Variants in DOCK5 observed in about 807,000 individuals in gnomAD.
DOCK5 encodes dedicator of cytokinesis 5.
A neutral mutation model predicts 251.8 loss-of-function variants in DOCK5; 142 were observed. The ratio of observed to expected loss-of-function variants is 0.56; its 90% CI spans 0.49 to 0.65. The LOEUF is 0.65. Among genes scored for constraint, DOCK5 ranks in the 30% least tolerant of loss-of-function variants. The pLI, the probability that DOCK5 is intolerant of heterozygous loss-of-function variation, is 0.00. For synonymous variants in DOCK5, 842 were observed against 835.5 expected (o/e 1.01, Z -0.13); for missense variants, 2,111 against 2,312.3 (o/e 0.91, Z 1.79).
At chr8:25,278,781 C>T (rs1804112572) in intron 5 of DOCK5, 116 bp downstream of exon 5, 2 of 902,714 alleles carry the variant, frequency 2.2e-6, no homozygotes, top group Non-Finnish European at 3.5e-6. Flanking sequence ...TGCATTCTCC[C>T]TGGATCACAC....
intron 12 of DOCK5, 26 bp downstream of exon 12, chr8:25,308,951 G>A: frequency 6.5e-7 from 1 of 1,527,876 alleles, no homozygotes; most frequent in Non-Finnish European, 9.0e-7. Flanking sequence ...AGAGCTGGGA[G>A]GGACTCTGCT....
intron 34 of DOCK5, 111 bp downstream of exon 34, chr8:25,369,752 G>A (rs1800841156): frequency 1.2e-6 from 1 of 825,942 alleles, no homozygotes; most frequent in South Asian, 1.7e-5. Flanking sequence ...AGTCACTAGG[G>A]CCACCCCCAC....
intron 45 of DOCK5, among the ~76,000 whole-genome samples, chr8:25,398,178 T>C (rs2117330871): frequency 6.6e-6 from 1 of 152,282 alleles, no homozygotes; most frequent in East Asian, 1.9e-4. Context: ...TGTTCCCTGA[T>C]CTAACCAATA....
intron 2 of DOCK5, among the ~76,000 whole-genome samples, chr8:25,261,215 A>G (rs1398316289): frequency 2.0e-5 from 3 of 152,090 alleles, no homozygotes; most frequent in African/African-American, 7.2e-5. Flanking sequence ...GTGTGTTTAC[A>G]TATATATTTT....
intron 1 of DOCK5, among the ~76,000 whole-genome samples, chr8:25,223,822 T>G (rs1802451884): frequency 6.6e-6 from 1 of 152,238 alleles, no homozygotes; most frequent in South Asian, 2.1e-4. Flanking sequence ...ATTAAATTTC[T>G]GTTAAACAGC....
At position 25,414,469 on chromosome 8, in the gene DOCK5, C is replaced by T. The variant is rs1371932045; in HGVS notation, c.*3171C>T. 1 of 152,214 alleles carries T rather than the reference C, an allele frequency of 6.6e-6. No homozygotes were observed. The highest frequency in any genetic ancestry group is 1.5e-5 in the Non-Finnish European group (1 of 68,032). 9.4% of individuals were successfully genotyped at this position (152,214 alleles called of 1,614,324 possible). On this transcript the variant is annotated 3_prime_UTR_variant, in exon 52 of 52. Transcript: ENST00000276440. ...AAAAACTGCAGCCACACTGCAATTT[C>T]CTAATGTAGAACAAGATATAAAGCA...
At chr8:25,257,178 C>A (rs1201449551) in intron 2 of DOCK5, among the ~76,000 whole-genome samples, 1 of 152,136 alleles carries the variant, frequency 6.6e-6, no homozygotes, top group Non-Finnish European at 1.5e-5. Context: ...AACCAGAAGA[C>A]AGACCTAAGC....
chr8:25,376,617 G>A (rs780248371), intron 37 of DOCK5: 6 of 156,782 alleles, frequency 3.8e-5, no homozygotes, highest in Non-Finnish European at 8.3e-5. Context: ...AATTAATTTA[G>A]TGAGAATTTA....
chr8:25,351,747 A>C lies in DOCK5; in HGVS notation c.2771A>C (p.His924Pro). Residue 924 changes from histidine (H) to proline (P), a missense_variant, in exon 27 of 52, where the codon CAC becomes CCC. Coordinates refer to ENST00000276440, the MANE Select transcript of DOCK5 (RefSeq NM_024940.8). ...DRKDVGATAVHIQLIMERLLR... is the reference protein window; with the variant it reads ...DRKDVGATAVPIQLIMERLLR... Reference sequence around the variant, plus strand: ...TCCCTGCAGGGTGCCACTGCGGTGCACATTCAGCTTATAATGGAACGGCTG... The same window carrying C: ...TCCCTGCAGGGTGCCACTGCGGTGCCCATTCAGCTTATAATGGAACGGCTG... 1 of 1,613,778 alleles carries C rather than the reference A, an allele frequency of 6.2e-7. No homozygotes were observed. The highest frequency in any genetic ancestry group is 2.2e-5 in the East Asian group (1 of 44,870).
At chr8:25,361,181 G>T (rs2117267403) in intron 28 of DOCK5, among the ~76,000 whole-genome samples, 1 of 152,260 alleles carries the variant, frequency 6.6e-6, no homozygotes, top group Admixed American at 6.5e-5. Flanking sequence ...TAGATTTCCA[G>T]GAGTTAAATA....
At chr8:25,374,016 ATGT>A (rs1411858002) in intron 36 of DOCK5, among the ~76,000 whole-genome samples, 1 of 152,142 alleles carries the variant, frequency 6.6e-6, no homozygotes, top group Non-Finnish European at 1.5e-5. Context: ...ACCAACGTGC[ATGT>A]TGTTGGGGAG....
chr8:25,241,049 G>A (rs1802927985), intron 1 of DOCK5, among the ~76,000 whole-genome samples: 1 of 152,160 alleles, frequency 6.6e-6, no homozygotes, highest in Non-Finnish European at 1.5e-5. Context: ...AAAGATATAT[G>A]CGATTGCATT....
At chr8:25,304,163 T>G in intron 10 of DOCK5, 92 bp from the exon 11 acceptor site, 1 of 1,031,286 alleles carries the variant, frequency 9.7e-7, no homozygotes, top group Non-Finnish European at 1.4e-6. Context: ...CTTCCTGCAG[T>G]GTTTGATGTT....
rs543970512 is a variant in DOCK5 at position 25,360,812 on chromosome 8, A to G, written c.2949+1751A>G. The stretch of plus-strand genomic sequence containing the variant: ...TTGTTTCAAATTTCCTTCAGAGAGC[A>G]GGCAAAATAGGGAGGTTTTAAGGTC... On this transcript the variant is annotated intron_variant, in intron 28 of 51. Coordinates refer to ENST00000276440, the MANE Select transcript of DOCK5 (RefSeq NM_024940.8). Among the ~76,000 whole-genome samples, 23 of 152,320 alleles carry G rather than the reference A, an allele frequency of 1.5e-4. 1 individual carries two copies. Among genetic ancestry groups the G allele is most frequent in the African/African-American group, 5.5e-4 (23 of 41,578 alleles).
chr8:25,218,207 T>C (rs1802297703), intron 1 of DOCK5, among the ~76,000 whole-genome samples: 1 of 152,124 alleles, frequency 6.6e-6, no homozygotes, highest in African/African-American at 2.4e-5. Flanking sequence ...AGTTAAACTT[T>C]TTAAGATTTT....
intron 18 of DOCK5, 22 bp from the exon 19 acceptor site, chr8:25,332,229 T>C: frequency 6.3e-7 from 1 of 1,589,308 alleles, no homozygotes. Context: ...CTGTATCTAA[T>C]GTTTGTGGTT....
intron 21 of DOCK5, 101 bp from the exon 22 acceptor site, chr8:25,336,138 T>C: frequency 7.6e-7 from 1 of 1,312,080 alleles, no homozygotes; most frequent in Non-Finnish European, 1.0e-6. Context: ...TAGTTATGAC[T>C]TCTACTTCCA....
intron 26 of DOCK5, 48 bp downstream of exon 26, chr8:25,345,659 T>C: frequency 6.2e-7 from 1 of 1,604,670 alleles, no homozygotes; most frequent in Non-Finnish European, 8.5e-7. Context: ...ACTGTCCCCT[T>C]TGCACCAGAC....
chr8:25,303,823 G>A (rs892308729), intron 10 of DOCK5, among the ~76,000 whole-genome samples: 13 of 152,152 alleles, frequency 8.5e-5, no homozygotes, highest in Admixed American at 1.3e-4. Context: ...AGTTAGCCAA[G>A]CGTGGTGGCA....
Sources: allele counts gnomAD v4.1 joint callset (sites outside exome capture counted in the v4.1 genomes callset), GRCh38; gene constraint gnomAD v4.1.1; transcripts MANE v1.5; gene names NCBI Gene and HGNC (gene_info 2026-07-23, HGNC 2026-07-21).